CACNB2: variants seen among roughly 807,000 people sequenced by gnomAD.
CACNB2 encodes voltage-dependent L-type calcium channel subunit beta-2.
Under a neutral mutation model 73.3 loss-of-function variants are expected in CACNB2, and 42 were observed. That is an observed-to-expected ratio of 0.57 (90% confidence interval 0.45 to 0.74). The LOEUF (loss-of-function observed/expected upper bound fraction) is 0.74, where lower values mean the gene tolerates loss of function less well. Ranked by LOEUF, CACNB2 falls within the 30% of genes least tolerant of loss-of-function variation. CACNB2 has a pLI of 0.00. For synonymous variants in CACNB2, 348 were observed against 310.3 expected (o/e 1.12, Z -1.28); for missense variants, 940 against 853.0 (o/e 1.10, Z -1.27).
chr10:18,149,053 A>G (rs1013822297), intron 1 of CACNB2, among the ~76,000 whole-genome samples: 2 of 151,904 alleles, frequency 1.3e-5, no homozygotes, highest in Non-Finnish European at 2.9e-5. Context: ...CTTTGTTCTC[A>G]AAGATAATTC....
At chr10:18,215,326 A>G (rs958224644) in intron 2 of CACNB2, among the ~76,000 whole-genome samples, 2 of 152,118 alleles carry the variant, frequency 1.3e-5, no homozygotes, top group Admixed American at 6.6e-5. Context: ...TTTCATGACC[A>G]TCGGAGCGGG....
intron 3 of CACNB2, among the ~76,000 whole-genome samples, chr10:18,421,957 C>T (rs1182009670): frequency 6.6e-6 from 1 of 152,166 alleles, no homozygotes; most frequent in Non-Finnish European, 1.5e-5. Flanking sequence ...AGTGTCGAAG[C>T]AGAGGTTGGG....
At chr10:18,150,853 G>GTCTT in intron 1 of CACNB2, 30 bp from the exon 2 acceptor site, 1 of 655,040 alleles carries the variant, frequency 1.5e-6, no homozygotes, top group Non-Finnish European at 2.1e-6. Flanking sequence ...AATCTTATTT[G>GTCTT]TCTTTTTTTT....
chr10:18,282,908 A>G (rs2038615310), intron 2 of CACNB2, among the ~76,000 whole-genome samples: 1 of 152,188 alleles, frequency 6.6e-6, no homozygotes, highest in Non-Finnish European at 1.5e-5. Flanking sequence ...GAAAATGTTT[A>G]CAATCTACCC....
intron 2 of CACNB2, among the ~76,000 whole-genome samples, chr10:18,222,630 A>G (rs189162378): frequency 5.3e-5 from 8 of 152,334 alleles, no homozygotes; most frequent in Non-Finnish European, 7.3e-5. Flanking sequence ...ATTCAAAAGC[A>G]CATTGAGCAT....
chr10:18,513,516 A>G, intron 6 of CACNB2: 1 of 322,884 alleles, frequency 3.1e-6, no homozygotes, highest in Non-Finnish European at 6.2e-6. Context: ...TTCGTGAACC[A>G]CCACCGCACT....
At chr10:18,303,320 T>G (rs374005245) in intron 2 of CACNB2, among the ~76,000 whole-genome samples, 2 of 152,194 alleles carry the variant, frequency 1.3e-5, no homozygotes, top group Admixed American at 6.5e-5. Flanking sequence ...CTGGCCAGCA[T>G]AGTAAGACGT....
At chr10:18,380,010 T>A (rs1450891950) in intron 2 of CACNB2, among the ~76,000 whole-genome samples, 1 of 152,192 alleles carries the variant, frequency 6.6e-6, no homozygotes. Flanking sequence ...TCTGTTTCTA[T>A]GAATTTGACT....
In CACNB2 at chr10:18,314,981, C is replaced by A. The variant is rs535710530; in HGVS notation, c.214-86943C>A. 2.0e-5 allele frequency among the ~76,000 whole-genome samples: 3 copies of A among 152,274 alleles called. No homozygotes were observed. The East Asian group carries it at 5.8e-4, about 29-fold the overall frequency. ...ATACTTGCCCTTAGAAATTCACATA[C>A]TAACTCTAACCTAGTAAGTTAGATA... On this transcript the variant is annotated intron_variant, in intron 2 of 13. Transcript: ENST00000324631.
At chr10:18,262,020 T>C (rs2037569964) in intron 2 of CACNB2, 1 of 518,838 alleles carries the variant, frequency 1.9e-6, no homozygotes, top group African/African-American at 1.9e-5. Context: ...TTGATTTTCA[T>C]ACTCCTTTTG....
chr10:18,521,612 G>C (rs1323289629), intron 9 of CACNB2, among the ~76,000 whole-genome samples: 1 of 152,152 alleles, frequency 6.6e-6, no homozygotes, highest in Non-Finnish European at 1.5e-5. Flanking sequence ...ATAGACAAGG[G>C]CCTTGGCTTT....
chr10:18,233,041 C>T (rs1374615761), intron 2 of CACNB2, among the ~76,000 whole-genome samples: 1 of 152,164 alleles, frequency 6.6e-6, no homozygotes, highest in Non-Finnish European at 1.5e-5. Flanking sequence ...ACCATGATCG[C>T]ACCACTGCAC....
At position 18,534,157 on chromosome 10, in the gene CACNB2, A is replaced by C; in HGVS notation, c.1136A>C (p.Asn379Thr). The change falls in exon 11 of 14, where the codon AAT becomes ACT. Residue 379 changes from asparagine to threonine, a missense_variant. Asn to Thr is a moderately conservative substitution (Grantham distance 65). Transcript: ENST00000324631. ...GTGGTCCTTGACGCGGATACAATTA[A>C]TCATCCAGCTCAACTCAGTAAAACC... ...QLVVLDADTI[N>T]HPAQLSKTSL... 1 of 1,613,916 alleles carries C rather than the reference A, an allele frequency of 6.2e-7. No individual in the cohort carries two copies. Among genetic ancestry groups the C allele is most frequent in the Non-Finnish European group, 8.5e-7 (1 of 1,179,782 alleles).
At chr10:18,330,024 A>T (rs1363793075) in intron 2 of CACNB2, among the ~76,000 whole-genome samples, 1 of 152,042 alleles carries the variant, frequency 6.6e-6, no homozygotes, top group Non-Finnish European at 1.5e-5. Context: ...TATTTTTAGT[A>T]GAGACTAGGT....
chr10:18,165,841 C>T (rs976739687), intron 2 of CACNB2, among the ~76,000 whole-genome samples: 3 of 152,152 alleles, frequency 2.0e-5, no homozygotes, highest in Non-Finnish European at 4.4e-5. Context: ...TGTTTATTAA[C>T]AAATGCCACA....
chr10:18,455,251 G>T (rs1351590233), intron 3 of CACNB2, among the ~76,000 whole-genome samples: 1 of 152,154 alleles, frequency 6.6e-6, no homozygotes, highest in Non-Finnish European at 1.5e-5. Flanking sequence ...TGTGGGGGCT[G>T]GTTGACTCCA....
At chr10:18,387,879 C>A (rs766870886) in intron 2 of CACNB2, among the ~76,000 whole-genome samples, 6 of 152,078 alleles carry the variant, frequency 3.9e-5, no homozygotes, top group Middle Eastern at 3.2e-3. Context: ...ACCTCAGCCT[C>A]CCAAGTAGCT....
At chr10:18,208,604 C>A (rs985377258) in intron 2 of CACNB2, among the ~76,000 whole-genome samples, 1 of 151,690 alleles carries the variant, frequency 6.6e-6, no homozygotes, top group Non-Finnish European at 1.5e-5. Context: ...AGAGTGAGAC[C>A]CTGTCTCAAA....
chr10:18,477,882 C>G (rs1185151705), intron 3 of CACNB2, among the ~76,000 whole-genome samples: 1 of 152,120 alleles, frequency 6.6e-6, no homozygotes, highest in Non-Finnish European at 1.5e-5. Flanking sequence ...CATGGCTCAG[C>G]TTTCAGCTTC....
Sources: gnomAD v4.1 joint callset for allele counts (sites outside exome capture counted in the v4.1 genomes callset) on GRCh38, gnomAD v4.1.1 for gene constraint, MANE v1.5 for transcripts, NCBI Gene and HGNC (gene_info 2026-07-23, HGNC 2026-07-21) for gene names.